Variants in DST observed in about 807,000 individuals in gnomAD.
DST encodes the protein dystonin, also known as bullous pemphigoid antigen.
A neutral mutation model predicts 875.2 loss-of-function variants in DST; 253 were observed. That is an observed-to-expected ratio of 0.29 (90% CI 0.26 to 0.32). DST has a LOEUF of 0.32. DST is among the 10% of genes least tolerant of loss of function. DST has a pLI of 1.00. For missense variants in DST, 8,287 were observed against 9,111.6 expected (o/e 0.91, Z 3.68); for synonymous variants, 3,124 against 3,197.1 (o/e 0.98, Z 0.77).
At chr6:56,832,993 C>G (rs1026165084) in intron 4 of DST, among the ~76,000 whole-genome samples, 1 of 152,222 alleles carries the variant, frequency 6.6e-6, no homozygotes, top group Non-Finnish European at 1.5e-5. Context: ...CCTGCCTTGG[C>G]CTTCCAAAGT....
chr6:56,458,880 A>C lies in DST; in HGVS notation c.*125T>G. 1 of 1,024,744 alleles carries C rather than the reference A, an allele frequency of 9.8e-7. No homozygotes were observed. Among genetic ancestry groups the C allele is most frequent in the Non-Finnish European group, 1.4e-6 (1 of 727,706 alleles). The allele number at this position is 1,024,744 out of a possible 1,614,324, so 63.5% of individuals were successfully genotyped here. On this transcript the variant is annotated 3_prime_UTR_variant, in exon 104 of 104. Coordinates refer to ENST00000680361, the MANE Select transcript of DST (RefSeq NM_001374736.1). ...AAATAAAAAGACAAATACACAAATA[A>C]GGCCATCTGCAGAATTTTAAACTCG...
In DST at chr6:56,572,195, G is replaced by C; in HGVS notation, c.13626C>G (p.Ser4542=). Residue 4542 remains serine, a synonymous_variant, in exon 53 of 104, where the codon TCC becomes TCG. Coordinates refer to ENST00000680361, the MANE Select transcript of DST (RefSeq NM_001374736.1). ...CCTTATCACTTGGTAAGCCATGGCTGGATATCTCCTTCAAGAGACTATGCA... is the reference window on the plus strand; with the variant it reads ...CCTTATCACTTGGTAAGCCATGGCTCGATATCTCCTTCAAGAGACTATGCA... The part of the protein sequence containing the change: ...EVLHSLLKEI[S]SHGLPSDKAL... 1 of 1,569,274 alleles carries C rather than the reference G, an allele frequency of 6.4e-7. No homozygotes were observed. The highest frequency in any genetic ancestry group is 1.7e-4 in the Middle Eastern group (1 of 5,898).
intron 61 of DST, among the ~76,000 whole-genome samples, chr6:56,546,064 C>T (rs74543309): frequency 0.03 from 4,608 of 151,976 alleles, 86 homozygotes; most frequent in Non-Finnish European, 0.043. Flanking sequence ...CATGGGAATA[C>T]AGTTTATATT....
At chr6:56,582,335 G>T (rs1047089144) in intron 49 of DST, among the ~76,000 whole-genome samples, 10 of 152,192 alleles carry the variant, frequency 6.6e-5, no homozygotes, top group Admixed American at 1.3e-4. Flanking sequence ...CCTCGACAGT[G>T]AGTGAATTCT....
chr6:56,843,453 G>A, intron 4 of DST: 16 of 1,011,658 alleles, frequency 1.6e-5, no homozygotes, highest in Non-Finnish European at 1.9e-5. Flanking sequence ...GACGAGCAGC[G>A]CCACGCCAAG....
chr6:56,619,179 C>T lies in DST; in HGVS notation c.4930-4695G>A, dbSNP rs776778859. The T allele has an allele frequency of 1.1e-5, 17 of 1,613,990 alleles. 1 individual carries two copies. The South Asian group carries it at 1.9e-4, about 18-fold the overall frequency. On this transcript the variant is annotated intron_variant, in intron 36 of 103. Transcript: ENST00000680361. ...CTGCGTAGCTGATCTTTAAAACCAT[C>T]TGCCTGAATTTTCAGTGCTTCACAT...
chr6:56,616,744 AC>A, intron 36 of DST: 1 of 1,614,168 alleles, frequency 6.2e-7, no homozygotes, highest in South Asian at 1.1e-5. Context: ...AGATATGTTT[AC>A]CTTTTTGTCT....
intron 5 of DST, among the ~76,000 whole-genome samples, chr6:56,715,999 T>G (rs2099393385): frequency 6.6e-6 from 1 of 152,186 alleles, no homozygotes; most frequent in African/African-American, 2.4e-5. Flanking sequence ...CGTAAATAAA[T>G]CTGTATGCCT....
intron 93 of DST, 89 bp downstream of exon 93, chr6:56,473,784 C>A: frequency 1.5e-6 from 2 of 1,315,550 alleles, no homozygotes; most frequent in South Asian, 2.7e-5. Context: ...GTAAAATCAC[C>A]AATTGCCCCC....
chr6:56,782,465 T>C (rs1199063145), intron 4 of DST, among the ~76,000 whole-genome samples: 1 of 152,124 alleles, frequency 6.6e-6, no homozygotes, highest in African/African-American at 2.4e-5. Flanking sequence ...AGTGCATGTG[T>C]TGAGGAATTT....
At chr6:56,706,301 G>A (rs551966430) in intron 5 of DST, among the ~76,000 whole-genome samples, 4 of 148,102 alleles carry the variant, frequency 2.7e-5, no homozygotes, top group South Asian at 4.2e-4. Context: ...GTGACAGAGC[G>A]AGACTCCGTC....
intron 5 of DST, among the ~76,000 whole-genome samples, chr6:56,728,485 C>A (rs910126953): frequency 6.6e-5 from 10 of 152,090 alleles, no homozygotes; most frequent in African/African-American, 2.4e-4. Context: ...AGCAGTCTGG[C>A]CAACATATTG....
At chr6:56,619,085 T>C in intron 36 of DST, 1 of 1,613,634 alleles carries the variant, frequency 6.2e-7, no homozygotes, top group Non-Finnish European at 8.5e-7. Context: ...CAGGTCTTCT[T>C]CTAGGCATTT....
chr6:56,594,678 A>G (rs16888033), intron 47 of DST, among the ~76,000 whole-genome samples: 2,947 of 152,346 alleles, frequency 0.019, 88 homozygotes, highest in African/African-American at 0.066. Context: ...TTTCAAAAAT[A>G]ACTAAGCAAG....
At chr6:56,517,997 C>T (rs1360947004) in intron 69 of DST, among the ~76,000 whole-genome samples, 2 of 152,102 alleles carry the variant, frequency 1.3e-5, no homozygotes, top group Non-Finnish European at 2.9e-5. Flanking sequence ...ACTTCAACTC[C>T]TATGATATGC....
At chr6:56,651,919 AT>A (rs2098978093) in intron 10 of DST, among the ~76,000 whole-genome samples, 1 of 152,236 alleles carries the variant, frequency 6.6e-6, no homozygotes, top group South Asian at 2.1e-4. Flanking sequence ...AGCAAGTACT[AT>A]GTATTAAGAA....
Position 56,953,789 on chromosome 6 carries a change from G to T in DST, c.212C>A (p.Ser71Tyr). Residue 71 changes from serine to tyrosine, a missense_variant, in exon 2 of 104, where the codon TCT (serine) becomes TAT (tyrosine). Ser to Tyr is a moderately radical substitution (Grantham distance 144). Coordinates refer to ENST00000680361, the MANE Select transcript of DST (RefSeq NM_001374736.1). ...DAVLRSHHFR[S>Y]EGFRASPRHL... Reference sequence around the variant, plus strand: ...CGTGCGCGCTAAATAAATTACCTCAGAACGAAAGTGGTGCGATCTCAAAAC... The same window carrying T: ...CGTGCGCGCTAAATAAATTACCTCATAACGAAAGTGGTGCGATCTCAAAAC... 1 of 1,316,242 alleles carries T rather than the reference G, an allele frequency of 7.6e-7. No homozygotes were observed. The highest frequency in any genetic ancestry group is 1.0e-6 in the Non-Finnish European group (1 of 994,542). The allele number at this position is 1,316,242 out of a possible 1,614,324, so 81.5% of individuals were successfully genotyped here.
chr6:56,894,991 C>G (rs1790398248), intron 3 of DST, among the ~76,000 whole-genome samples: 1 of 110,424 alleles, frequency 9.1e-6, no homozygotes, highest in Non-Finnish European at 1.8e-5. Context: ...GCTGACCCCC[C>G]TACCTCCCTC....
chr6:56,646,109 T>C lies in DST; in HGVS notation c.1628A>G (p.Lys543Arg). 1.3e-6 allele frequency: 2 copies of C among 1,547,458 alleles called. No homozygotes were observed. Among genetic ancestry groups the C allele is most frequent in the South Asian group, 1.2e-5 (1 of 83,750 alleles). Residue 543 changes from lysine (K) to arginine (R), a missense_variant, in exon 14 of 104, where the codon AAA becomes AGA. Physicochemically the swap from Lys to Arg is conservative, Grantham distance 26 (BLOSUM62 2). Around this residue, in one of 10 missense-constraint regions of DST, gnomAD observed 1,160 missense variants for 1,424.3 expected, o/e 0.81. Coordinates refer to ENST00000680361, the MANE Select transcript of DST (RefSeq NM_001374736.1). Reference protein sequence around the residue: ...PPKETEKSKIKRLYKLLEIWI... With the variant: ...PPKETEKSKIRRLYKLLEIWI... Reference sequence around the variant, plus strand: ...TACCTCTAATAATTTATATAGACGTTTAATTTTTGATTTTTCTGTCTCCTT... The same window carrying C: ...TACCTCTAATAATTTATATAGACGTCTAATTTTTGATTTTTCTGTCTCCTT...
Sources: gnomAD v4.1 joint callset for allele counts (sites outside exome capture counted in the v4.1 genomes callset) on GRCh38, gnomAD v4.1.1 for gene constraint, gnomAD v4.1.1 regional missense constraint, MANE v1.5 for transcripts, NCBI Gene and HGNC (gene_info 2026-07-23, HGNC 2026-07-21) for gene names.